The following ZNF443 variants were observed in gnomAD, a reference collection of about 807,000 sequenced individuals.
ZNF443 encodes Kruppel-type zinc finger (C2H2).
Under a neutral mutation model 12.0 loss-of-function variants are expected in ZNF443, and 3 were observed. That is an observed-to-expected ratio of 0.25 (90% CI 0.11 to 0.64). The LOEUF (loss-of-function observed/expected upper bound fraction) is 0.64. Among genes scored for constraint, ZNF443 ranks in the 30% least tolerant of loss-of-function variants. The pLI, the probability that ZNF443 is intolerant of heterozygous loss-of-function variation, is 0.84. For synonymous variants in ZNF443, 225 were observed against 265.9 expected (o/e 0.85, Z 1.50); for missense variants, 770 against 808.8 (o/e 0.95, Z 0.58).
rs3071453 is a variant in ZNF443 at position 12,437,937 on chromosome 19, C to CAA, written c.3+2973_3+2974dup. On this transcript the variant is annotated intron_variant, in intron 1 of 3. Transcript: ENST00000301547. ...TGAAACCCCGTCTCTATTAAAAATA[C>CAA]AAAAAAAAAAAAAATTAGCCAGGCA... Among the ~76,000 whole-genome samples the CAA allele has an allele frequency of 1.7e-3, 228 of 136,224 alleles. 3 individuals carry two copies. The highest frequency in any genetic ancestry group is 1.5e-3 in the African/African-American group (57 of 37,002). The allele number at this position is 136,224 out of a possible 152,430, so 89.4% of individuals were successfully genotyped here. A position where few individuals can be genotyped will look rare whatever the true frequency, so the allele number is the denominator to read the frequency against.
In ZNF443 at chr19:12,430,096, A is replaced by G. The variant is rs1054466326; in HGVS notation, c.*60T>C. 32 of 1,604,552 alleles carry G rather than the reference A, an allele frequency of 2.0e-5. No homozygotes were observed. The Admixed American group carries it at 5.5e-4, about 27-fold the overall frequency. Reference sequence around the variant, plus strand: ...TATCTCCAATGTGTTTCGTACAAGTATCTGAAATGAAATAAAATTAATAAA... The same window carrying G: ...TATCTCCAATGTGTTTCGTACAAGTGTCTGAAATGAAATAAAATTAATAAA... On this transcript the variant is annotated 3_prime_UTR_variant, in exon 4 of 4. Coordinates refer to ENST00000301547, the MANE Select transcript of ZNF443 (RefSeq NM_005815.5).
At chr19:12,436,770 C>A (rs200620884) in intron 1 of ZNF443, among the ~76,000 whole-genome samples, 1 of 79,254 alleles carries the variant, frequency 1.3e-5, no homozygotes, top group African/African-American at 6.4e-5. Flanking sequence ...CACACACACA[C>A]ACACACACAC....
chr19:12,436,238 T>A (rs1008133126), intron 1 of ZNF443, among the ~76,000 whole-genome samples: 2 of 140,474 alleles, frequency 1.4e-5, no homozygotes. Flanking sequence ...CCCAGCACTT[T>A]GGGAGGCCAA....
rs1468187728 is a variant in ZNF443, at chr19:12,429,956, T to C, written c.*200A>G. On this transcript the variant is annotated 3_prime_UTR_variant, in exon 4 of 4. Coordinates refer to ENST00000301547, the MANE Select transcript of ZNF443 (RefSeq NM_005815.5). ...AAACATGTCATTTTATAAAAGGGACTGGACATGGCTCACGGAGTGCTGGAA... is the reference window on the plus strand; with the variant it reads ...AAACATGTCATTTTATAAAAGGGACCGGACATGGCTCACGGAGTGCTGGAA... The C allele has an allele frequency of 1.1e-5, 8 of 747,724 alleles. No individual in the cohort carries two copies. Among genetic ancestry groups the C allele is most frequent in the Admixed American group, 2.9e-5 (1 of 34,070 alleles). The allele number at this position is 747,724 out of a possible 1,614,324, so 46.3% of individuals were successfully genotyped here. A position where few individuals can be genotyped will look rare whatever the true frequency, so the allele number is the denominator to read the frequency against.
At chr19:12,437,017 G>A (rs1970318328) in intron 1 of ZNF443, among the ~76,000 whole-genome samples, 1 of 151,480 alleles carries the variant, frequency 6.6e-6, no homozygotes, top group Non-Finnish European at 1.5e-5. Context: ...CTAAAAGCCA[G>A]TACAGTGTTA....
At chr19:12,436,538 T>A (rs1280412817) in intron 1 of ZNF443, among the ~76,000 whole-genome samples, 1 of 150,916 alleles carries the variant, frequency 6.6e-6, no homozygotes. Context: ...AAGGTACAAC[T>A]AAAATGAAGA....
Position 12,430,863 on chromosome 19 carries a change from G to C in ZNF443, c.1309C>G (p.Gln437Glu). 1.9e-6 allele frequency: 3 copies of C among 1,614,114 alleles called. No homozygotes were observed. The highest frequency in any genetic ancestry group is 8.5e-7 in the Non-Finnish European group (1 of 1,179,974). The part of the protein sequence containing the change: ...GKAFVYPSVF[Q>E]RHERTHTAEK... ...GCAGTGTGAGTCCTTTCATGTCTTT[G>C]AAATACACTGGGATAAACAAAGGCT... The change falls in exon 4 of 4, where the codon CAA becomes GAA. Residue 437 changes from glutamine (Q) to glutamate (E), a missense_variant. Coordinates refer to ENST00000301547, the MANE Select transcript of ZNF443 (RefSeq NM_005815.5).
chr19:12,438,621 G>A (rs1428167086), intron 1 of ZNF443, among the ~76,000 whole-genome samples: 1 of 152,190 alleles, frequency 6.6e-6, no homozygotes, highest in East Asian at 1.9e-4. Flanking sequence ...CATAATGGAA[G>A]AGGGTTTTTC....
At chr19:12,440,419 T>A (rs111938623) in intron 1 of ZNF443, among the ~76,000 whole-genome samples, 51 of 152,232 alleles carry the variant, frequency 3.4e-4, no homozygotes, top group Admixed American at 2.4e-3. Context: ...GAGGGAGCCC[T>A]CTCAGCAGAA....
intron 1 of ZNF443, among the ~76,000 whole-genome samples, chr19:12,435,123 A>C (rs1036155301): frequency 6.6e-6 from 1 of 152,024 alleles, no homozygotes; most frequent in Non-Finnish European, 1.5e-5. Context: ...GAGTACAGGA[A>C]TGCTCAAACA....
At chr19:12,435,785 C>G (rs570190333) in intron 1 of ZNF443, among the ~76,000 whole-genome samples, 268 of 151,644 alleles carry the variant, frequency 1.8e-3, no homozygotes, top group Non-Finnish European at 3.3e-3. Context: ...CACTAAAGAA[C>G]AGAGATGTCA....
At position 12,431,602 on chromosome 19, in the gene ZNF443, C is replaced by T. The variant is rs768548907; in HGVS notation, c.570G>A (p.Val190=). ...SLGNLQRHMA[V]QRGDGPYKCK... ...ATTTATAAGGTCCATCTCCACGCTGCACTGCCATGTGTCTTTGAAGGTTTC... is the reference window on the plus strand; with the variant it reads ...ATTTATAAGGTCCATCTCCACGCTGTACTGCCATGTGTCTTTGAAGGTTTC... Residue 190 remains valine (V), a synonymous_variant, in exon 4 of 4, where the codon GTG becomes GTA. Coordinates refer to ENST00000301547, the MANE Select transcript of ZNF443 (RefSeq NM_005815.5). 8.1e-6 allele frequency: 13 copies of T among 1,614,022 alleles called. No individual in the cohort carries two copies. Among genetic ancestry groups the T allele is most frequent in the Middle Eastern group, 1.6e-4 (1 of 6,084 alleles).
chr19:12,432,364 G>A lies in ZNF443; in HGVS notation c.191+13C>T, dbSNP rs769874920. 5.1e-6 allele frequency: 8 copies of A among 1,571,448 alleles called. No homozygotes were observed. The highest frequency in any genetic ancestry group is 2.3e-5 in the South Asian group (2 of 86,430). On this transcript the variant is annotated intron_variant, in intron 3 of 3. Transcript: ENST00000301547. ...CTCCAGGGACATATCTTTCTCTTGT[G>A]AGTGTAAATTACCTTAGATTTTTCC...
chr19:12,438,096 C>CAAAAA (rs59499489), intron 1 of ZNF443, among the ~76,000 whole-genome samples: 1 of 127,108 alleles, frequency 7.9e-6, no homozygotes, highest in African/African-American at 2.9e-5. Flanking sequence ...GATGCTGTCT[C>CAAAAA]AAAAAAAAAA....
chr19:12,435,541 CACAAAAGACACCGGAGAAAA>C (rs112822743), intron 1 of ZNF443, among the ~76,000 whole-genome samples: 49,930 of 151,972 alleles, frequency 0.33, 8,627 homozygotes, highest in South Asian at 0.47. Flanking sequence ...AACACATTTT[CACAAAAGACACCGGAGAAAA>C]ACATTCATTT....
rs200987547 is a variant in ZNF443, at chr19:12,430,997, G to T, written c.1175C>A (p.Pro392His). 2.7e-5 allele frequency: 43 copies of T among 1,613,740 alleles called. No individual in the cohort carries two copies. The Admixed American group carries it at 7.0e-4, about 26-fold the overall frequency. ...SHERTHTGEK[P>H]YECKQCGKAL... is the part of the protein sequence containing the mutation. ...TTTCCCACACTGCTTGCATTCATAG[G>T]GTTTCTCTCCAGTGTGAGTTCTTTC... Residue 392 changes from proline to histidine, a missense_variant, in exon 4 of 4, where the codon CCC becomes CAC. Pro to His is a moderately conservative substitution (Grantham distance 77). Around this residue, in one of 3 missense-constraint regions of ZNF443, gnomAD observed 736 missense variants for 689.4 expected, o/e 1.07. Coordinates refer to ENST00000301547, the MANE Select transcript of ZNF443 (RefSeq NM_005815.5).
At chr19:12,432,247 T>G in intron 3 of ZNF443, 130 bp downstream of exon 3, 5 of 821,140 alleles carry the variant, frequency 6.1e-6, no homozygotes, top group South Asian at 1.7e-5. Flanking sequence ...AGTATATATT[T>G]TGGAGAAAAT....
At position 12,438,527 on chromosome 19, in the gene ZNF443, G is replaced by T. The variant is rs560808516; in HGVS notation, c.3+2385C>A. On this transcript the variant is annotated intron_variant, in intron 1 of 3. Coordinates refer to ENST00000301547, the MANE Select transcript of ZNF443 (RefSeq NM_005815.5). ...CCAAAATCTCCACCCTTTTAAAAAG[G>T]AGAAGAACTGAACTTTTGTTAAATC... Among the ~76,000 whole-genome samples the T allele has an allele frequency of 3.9e-5, 6 of 152,258 alleles. No homozygotes were observed. In the South Asian group the frequency reaches 8.3e-4, roughly 21 times the overall value.
intron 1 of ZNF443, among the ~76,000 whole-genome samples, chr19:12,437,275 G>A (rs1970321784): frequency 6.6e-6 from 1 of 151,902 alleles, no homozygotes; most frequent in South Asian, 2.1e-4. Flanking sequence ...AGGTGTGGTG[G>A]CCTGCACCTG....
Sources: gnomAD v4.1 joint callset for allele counts (sites outside exome capture counted in the v4.1 genomes callset) on GRCh38, gnomAD v4.1.1 for gene constraint, gnomAD v4.1.1 regional missense constraint, MANE v1.5 for transcripts, NCBI Gene and HGNC (gene_info 2026-07-23, HGNC 2026-07-21) for gene names.